Variants in NUP93 observed in about 807,000 individuals in gnomAD.
NUP93 encodes nuclear pore complex protein Nup93.
NUP93 carries 55 observed loss-of-function variants against 107.8 expected under a neutral mutation model. The observed-to-expected ratio is 0.51, with a 90% CI of 0.41 to 0.64. The LOEUF is 0.64. NUP93 is among the 30% of genes least tolerant of loss of function. The pLI, the probability that NUP93 is intolerant of heterozygous loss-of-function variation, is 0.00. For synonymous variants in NUP93, 390 were observed against 397.5 expected (o/e 0.98, Z 0.22); for missense variants, 937 against 1,044.7 (o/e 0.90, Z 1.42).
chr16:56,762,332 G>A (rs1962141782), intron 3 of NUP93, among the ~76,000 whole-genome samples: 1 of 152,190 alleles, frequency 6.6e-6, no homozygotes, highest in Non-Finnish European at 1.5e-5. Flanking sequence ...CAAGAAGTCT[G>A]TGCAGAAATA....
chr16:56,818,681 T>C lies in NUP93; in HGVS notation c.507T>C (p.Asp169=). ...ATCCACAGCCAAGCTACATCAGTGA[T>C]GTGGGACCCCCTGGTCGAAGCTCTC... ...TQESEPSYIS[D]VGPPGRSSLD... Residue 169 remains aspartate, a synonymous_variant, in exon 6 of 22, where the codon GAT becomes GAC. Coordinates refer to ENST00000308159, the MANE Select transcript of NUP93 (RefSeq NM_014669.5). 1 of 1,614,162 alleles carries C rather than the reference T, an allele frequency of 6.2e-7. No individual in the cohort carries two copies. Among genetic ancestry groups the C allele is most frequent in the Non-Finnish European group, 8.5e-7 (1 of 1,179,980 alleles).
rs747632520 is a variant in NUP93 at position 56,832,318 on chromosome 16, C to T, written c.1275C>T (p.Asp425=). 39 of 1,613,958 alleles carry T rather than the reference C, an allele frequency of 2.4e-5. No individual in the cohort carries two copies. The highest frequency in any genetic ancestry group is 2.3e-4 in the South Asian group (21 of 91,082). The part of the protein sequence containing the change: ...WLKLNQVCFD[D]DGTSSPQDRL... ...AGTTGAACCAAGTGTGTTTTGACGA[C>T]GATGGCACCAGCTCCCCACAAGACA... Residue 425 remains aspartate (D), a synonymous_variant, in exon 12 of 22, where the codon GAC becomes GAT. Coordinates refer to ENST00000308159, the MANE Select transcript of NUP93 (RefSeq NM_014669.5).
At chr16:56,803,442 G>A (rs1386810873) in intron 4 of NUP93, among the ~76,000 whole-genome samples, 1 of 151,772 alleles carries the variant, frequency 6.6e-6, no homozygotes, top group Non-Finnish European at 1.5e-5. Context: ...TCCAGCCTGG[G>A]CAACAGAAAA....
rs148362793 is a variant in NUP93 at position 56,744,034 on chromosome 16, G to C, written c.-14-4200G>C. ...CATAGAGGAGCCCTAGTGCTGTTCTGCTGTCCCTGCTGGCCTTTTCCTGTC... is the reference window on the plus strand; with the variant it reads ...CATAGAGGAGCCCTAGTGCTGTTCTCCTGTCCCTGCTGGCCTTTTCCTGTC... On this transcript the variant is annotated intron_variant, in intron 1 of 21. Coordinates refer to ENST00000308159, the MANE Select transcript of NUP93 (RefSeq NM_014669.5). 2.6e-3 allele frequency among the ~76,000 whole-genome samples: 390 copies of C among 152,282 alleles called. 2 individuals carry two copies. The highest frequency in any genetic ancestry group is 8.8e-3 in the African/African-American group (365 of 41,550).
intron 5 of NUP93, among the ~76,000 whole-genome samples, chr16:56,809,900 C>T (rs536429692): frequency 1.2e-3 from 177 of 152,266 alleles, no homozygotes; most frequent in Non-Finnish European, 2.0e-3. Flanking sequence ...TGTATAATAT[C>T]GTTGGTCAAA....
chr16:56,804,452 C>A (rs1296452564), intron 4 of NUP93, among the ~76,000 whole-genome samples: 1 of 152,158 alleles, frequency 6.6e-6, no homozygotes, highest in Non-Finnish European at 1.5e-5. Context: ...TTATTTCACT[C>A]ACAAAAAGAC....
chr16:56,822,998 C>T (rs185114030), intron 7 of NUP93, among the ~76,000 whole-genome samples: 2 of 152,278 alleles, frequency 1.3e-5, no homozygotes, highest in Admixed American at 1.3e-4. Context: ...TGCTATCCTG[C>T]AAGGACTCAT....
chr16:56,828,866 A>G, intron 8 of NUP93, 111 bp from the exon 9 acceptor site: 1 of 1,069,370 alleles, frequency 9.4e-7, no homozygotes, highest in African/African-American at 1.6e-5. Context: ...ATTGAGCTTG[A>G]AGTCTAGGCC....
intron 7 of NUP93, among the ~76,000 whole-genome samples, chr16:56,822,137 G>GT (rs1243380194): frequency 6.6e-6 from 1 of 150,994 alleles, no homozygotes; most frequent in Admixed American, 6.6e-5. Flanking sequence ...TGACTACTTG[G>GT]TGGGTGGCTA....
intron 4 of NUP93, among the ~76,000 whole-genome samples, chr16:56,804,714 G>T (rs554839801): frequency 6.6e-6 from 1 of 152,190 alleles, no homozygotes; most frequent in East Asian, 1.9e-4. Context: ...TTTGAGACCA[G>T]CCTGGCCAAC....
chr16:56,757,438 C>A (rs1962044921), intron 2 of NUP93, among the ~76,000 whole-genome samples: 2 of 152,150 alleles, frequency 1.3e-5, no homozygotes. Context: ...CAGAGCAAGA[C>A]CCTGTCTGAA....
chr16:56,731,291 T>TC (rs1961530703), intron 1 of NUP93, among the ~76,000 whole-genome samples: 1 of 152,010 alleles, frequency 6.6e-6, no homozygotes, highest in Non-Finnish European at 1.5e-5. Context: ...TTCATTACTC[T>TC]CCCCAAACTG....
intron 1 of NUP93, among the ~76,000 whole-genome samples, chr16:56,731,158 A>G (rs1399346404): frequency 6.6e-6 from 1 of 152,014 alleles, no homozygotes; most frequent in Non-Finnish European, 1.5e-5. Context: ...CAGATTCCGT[A>G]TTTATATCTC....
rs948147387 is a variant in NUP93, at chr16:56,833,333, T to A, written c.1464T>A (p.His488Gln). Residue 488 changes from histidine to glutamine, a missense_variant, in exon 13 of 22, where the codon CAT becomes CAA. Transcript: ENST00000308159. ...FLFRMERLRC[H>Q]AVHVALVLFE... ...TCCGCATGGAGCGGCTGCGCTGCCATGCTGTCCATGTAGCACTGGTGCTGT... is the reference window on the plus strand; with the variant it reads ...TCCGCATGGAGCGGCTGCGCTGCCAAGCTGTCCATGTAGCACTGGTGCTGT... 8.7e-6 allele frequency: 14 copies of A among 1,606,494 alleles called. No homozygotes were observed. Among genetic ancestry groups the A allele is most frequent in the Admixed American group, 1.7e-5 (1 of 58,666 alleles).
intron 2 of NUP93, among the ~76,000 whole-genome samples, chr16:56,753,122 A>C (rs542589803): frequency 4.6e-5 from 7 of 152,342 alleles, no homozygotes; most frequent in Non-Finnish European, 1.0e-4. Flanking sequence ...CTAGAGAACC[A>C]ACTCATTATT....
In NUP93 at chr16:56,808,818, A is replaced by G. The variant is rs1178369944; in HGVS notation, c.489+3186A>G. Among the ~76,000 whole-genome samples, 3 of 146,284 alleles carry G rather than the reference A, an allele frequency of 2.1e-5. No individual in the cohort carries two copies. The East Asian group carries it at 5.9e-4, about 29-fold the overall frequency. On this transcript the variant is annotated intron_variant, in intron 5 of 21. Coordinates refer to ENST00000308159, the MANE Select transcript of NUP93 (RefSeq NM_014669.5). ...TATATAAATACATATATAAATATAA[A>G]TACATATATAAATATATATATAAAT...
intron 1 of NUP93, chr16:56,740,980 G>A (rs1448267982): frequency 4.6e-5 from 7 of 152,758 alleles, no homozygotes; most frequent in African/African-American, 9.6e-5. Context: ...GTCCAGCTTC[G>A]GCTCCGCATG....
chr16:56,786,298 TAAGTA>T (rs1313792714), intron 3 of NUP93, among the ~76,000 whole-genome samples: 15 of 152,212 alleles, frequency 9.9e-5, no homozygotes, highest in African/African-American at 3.6e-4. Context: ...ATGTTATAGT[TAAGTA>T]AAGGAAGGCT....
intron 3 of NUP93, among the ~76,000 whole-genome samples, chr16:56,772,248 G>C (rs767937985): frequency 6.6e-5 from 10 of 152,150 alleles, no homozygotes; most frequent in Non-Finnish European, 8.8e-5. Context: ...CTGATCAAGT[G>C]TTAGCTGTGA....
Sources: gnomAD v4.1 joint callset for allele counts (sites outside exome capture counted in the v4.1 genomes callset) on GRCh38, gnomAD v4.1.1 for gene constraint, MANE v1.5 for transcripts, NCBI Gene and HGNC (gene_info 2026-07-23, HGNC 2026-07-21) for gene names.